Variants in PXDNL observed in about 807,000 individuals in gnomAD.
PXDNL encodes probable oxidoreductase PXDNL.
A neutral mutation model predicts 150.8 loss-of-function variants in PXDNL; 145 were observed. That is an observed-to-expected ratio of 0.96 (90% CI 0.84 to 1.10). The LOEUF is 1.10. Ranked by LOEUF, PXDNL falls within the 50% of genes least tolerant of loss-of-function variation. The pLI, the probability that PXDNL is intolerant of heterozygous loss-of-function variation, is 0.00. For missense variants in PXDNL, 2,087 were observed against 1,873.9 expected, an observed-to-expected ratio of 1.11 and a Z score of -2.10; for synonymous variants, 757 against 725.7, an observed-to-expected ratio of 1.04 and a Z score of -0.69.
chr8:51,372,969 T>C (rs1003687123), intron 18 of PXDNL, among the ~76,000 whole-genome samples: 8 of 152,196 alleles, frequency 5.3e-5, no homozygotes, highest in Admixed American at 3.3e-4. Flanking sequence ...AAGCACTTTT[T>C]TGTGCTGAGT....
At chr8:51,718,626 T>C (rs1009967968) in intron 1 of PXDNL, among the ~76,000 whole-genome samples, 1 of 152,216 alleles carries the variant, frequency 6.6e-6, no homozygotes, top group Non-Finnish European at 1.5e-5. Flanking sequence ...CAGTTATAGT[T>C]TTCATAGAAT....
intron 17 of PXDNL, among the ~76,000 whole-genome samples, chr8:51,378,563 G>T (rs1297124426): frequency 6.6e-6 from 1 of 152,200 alleles, no homozygotes; most frequent in East Asian, 1.9e-4. Flanking sequence ...ATCCTCTGGG[G>T]TACCATTCCA....
intron 1 of PXDNL, among the ~76,000 whole-genome samples, chr8:51,803,760 T>C (rs2037646762): frequency 6.6e-6 from 1 of 152,212 alleles, no homozygotes. Context: ...CATTCCAGAA[T>C]TCTAGCCTAT....
intron 7 of PXDNL, 115 bp from the exon 8 acceptor site, chr8:51,472,419 A>G (rs1281893051): frequency 3.0e-6 from 2 of 673,394 alleles, no homozygotes; most frequent in Non-Finnish European, 5.1e-6. Flanking sequence ...AGTTTTACAC[A>G]TCGAACTGCA....
At chr8:51,784,142 A>G (rs2129251032) in intron 1 of PXDNL, among the ~76,000 whole-genome samples, 1 of 152,340 alleles carries the variant, frequency 6.6e-6, no homozygotes, top group Non-Finnish European at 1.5e-5. Context: ...GAGACCAAGA[A>G]CTATACAAGA....
At chr8:51,406,667 A>G (rs1808443531) in intron 17 of PXDNL, among the ~76,000 whole-genome samples, 1 of 152,140 alleles carries the variant, frequency 6.6e-6, no homozygotes. Context: ...GACCAGATCA[A>G]ATGACATCTC....
intron 17 of PXDNL, among the ~76,000 whole-genome samples, chr8:51,387,500 G>A (rs1365080040): frequency 6.6e-6 from 1 of 152,140 alleles, no homozygotes; most frequent in African/African-American, 2.4e-5. Flanking sequence ...GAGTTTAGTA[G>A]TGTTTGTCAC....
At chr8:51,731,266 A>T (rs1320369420) in intron 1 of PXDNL, among the ~76,000 whole-genome samples, 1 of 152,260 alleles carries the variant, frequency 6.6e-6, no homozygotes, top group Non-Finnish European at 1.5e-5. Context: ...GAAATTGGCC[A>T]AAACAAAGGT....
intron 4 of PXDNL, among the ~76,000 whole-genome samples, chr8:51,545,711 A>C (rs2130500225): frequency 6.6e-6 from 1 of 152,330 alleles, no homozygotes; most frequent in South Asian, 2.1e-4. Context: ...CCCAATCCCA[A>C]GATGTGGAAC....
intron 4 of PXDNL, among the ~76,000 whole-genome samples, chr8:51,501,403 C>T (rs1585530265): frequency 1.3e-5 from 2 of 150,900 alleles, no homozygotes; most frequent in Middle Eastern, 6.8e-3. Context: ...CACACTCTCA[C>T]ATGCTCAGAC....
chr8:51,761,025 A>ATTTTTTTTTTTTTTTTTTTTT (rs71237238), intron 1 of PXDNL, among the ~76,000 whole-genome samples: 1 of 114,494 alleles, frequency 8.7e-6, no homozygotes, highest in African/African-American at 3.6e-5. Flanking sequence ...CGCCCGGCTA[A>ATTTTTTTTTTTTTTTTTTTTT]TTTTTTTTTT....
intron 1 of PXDNL, among the ~76,000 whole-genome samples, chr8:51,765,233 G>A (rs540520279): frequency 4.4e-4 from 67 of 152,120 alleles, no homozygotes; most frequent in Non-Finnish European, 2.8e-4. Flanking sequence ...ATTGAACCAT[G>A]GGGGCGGTTT....
chr8:51,706,510 A>C (rs1408160693), intron 1 of PXDNL, among the ~76,000 whole-genome samples: 2 of 152,230 alleles, frequency 1.3e-5, no homozygotes, highest in Admixed American at 6.5e-5. Context: ...GAGCTAAAGC[A>C]TGAAGAGAAC....
intron 1 of PXDNL, among the ~76,000 whole-genome samples, chr8:51,803,299 G>A (rs17196182): frequency 6.6e-6 from 1 of 152,104 alleles, no homozygotes; most frequent in Non-Finnish European, 1.5e-5. Context: ...GAAACTGCGA[G>A]GTCCAGTAGA....
chr8:51,518,801 G>C (rs1276199596), intron 4 of PXDNL, among the ~76,000 whole-genome samples: 2 of 152,144 alleles, frequency 1.3e-5, no homozygotes, highest in African/African-American at 2.4e-5. Context: ...GGATGAGTCT[G>C]ACAGAGACAC....
chr8:51,420,162 A>C (rs560788250), intron 14 of PXDNL, among the ~76,000 whole-genome samples: 1 of 152,318 alleles, frequency 6.6e-6, no homozygotes, highest in African/African-American at 2.4e-5. Flanking sequence ...AGTCATGATC[A>C]CTTACTTGTG....
intron 8 of PXDNL, among the ~76,000 whole-genome samples, chr8:51,466,907 G>C (rs1810216981): frequency 6.6e-6 from 1 of 152,108 alleles, no homozygotes; most frequent in Non-Finnish European, 1.5e-5. Flanking sequence ...AGGTCTTGTT[G>C]GGGCTGCAGA....
At chr8:51,391,018 A>T (rs1807887550) in intron 17 of PXDNL, among the ~76,000 whole-genome samples, 1 of 152,000 alleles carries the variant, frequency 6.6e-6, no homozygotes, top group Non-Finnish European at 1.5e-5. Flanking sequence ...TCCTTGCGAT[A>T]GTTTACTGAG....
chr8:51,418,853 T>A (rs1206002507), intron 14 of PXDNL, among the ~76,000 whole-genome samples: 1 of 152,176 alleles, frequency 6.6e-6, no homozygotes, highest in Non-Finnish European at 1.5e-5. Context: ...ATTTGGAAAG[T>A]TATTTCCAAA....
Sources: allele counts gnomAD v4.1 joint callset (sites outside exome capture counted in the v4.1 genomes callset), GRCh38; gene constraint gnomAD v4.1.1; transcripts MANE v1.5; gene names NCBI Gene and HGNC (gene_info 2026-07-23, HGNC 2026-07-21).